Variants in MIER3 observed in about 807,000 individuals in gnomAD.
MIER3 encodes mesoderm induction early response protein 3.
A neutral mutation model predicts 63.2 loss-of-function variants in MIER3; 9 were observed. The ratio of observed to expected loss-of-function variants is 0.14; its 90% CI spans 0.09 to 0.25. MIER3 has a LOEUF of 0.25. Ranked by LOEUF, MIER3 falls within the 10% of genes least tolerant of loss-of-function variation. MIER3 has a pLI of 1.00. For missense variants in MIER3, 512 were observed against 666.2 expected, an observed-to-expected ratio of 0.77 and a Z score of 2.55; for synonymous variants, 205 against 224.9, an observed-to-expected ratio of 0.91 and a Z score of 0.79.
intron 6 of MIER3, 38 bp downstream of exon 6, chr5:56,935,628 T>G: frequency 6.4e-7 from 1 of 1,573,600 alleles, no homozygotes; most frequent in South Asian, 1.2e-5. Context: ...GAAATATTTT[T>G]AAAAGCCAAT....
At chr5:56,938,257 A>G in intron 4 of MIER3, 1 of 471,226 alleles carries the variant, frequency 2.1e-6, no homozygotes, top group South Asian at 1.5e-5. Context: ...TGGTACATTA[A>G]TATCACATTG....
intron 10 of MIER3, among the ~76,000 whole-genome samples, chr5:56,924,543 G>A (rs1749863466): frequency 6.6e-6 from 1 of 152,218 alleles, no homozygotes; most frequent in Non-Finnish European, 1.5e-5. Context: ...TTCCAAAAGA[G>A]ATTAAGAACC....
chr5:56,932,235 G>A (rs947493260), intron 8 of MIER3, among the ~76,000 whole-genome samples: 15 of 152,208 alleles, frequency 9.9e-5, no homozygotes, highest in Admixed American at 9.2e-4. Context: ...ACTCCAGCCT[G>A]GGTGACAGAG....
At position 56,927,090 on chromosome 5, in the gene MIER3, G is replaced by C. The variant is rs189876760; in HGVS notation, c.924+1677C>G. 5.6e-4 allele frequency among the ~76,000 whole-genome samples: 85 copies of C among 151,570 alleles called. 1 individual carries two copies. Among genetic ancestry groups the C allele is most frequent in the Non-Finnish European group, 3.2e-4 (22 of 67,916 alleles). On this transcript the variant is annotated intron_variant, in intron 10 of 12. Coordinates refer to ENST00000381199, the MANE Select transcript of MIER3 (RefSeq NM_001297599.2). ...GGCTGCTAGAAGTTGTTAGGGAGGAGGGGGAAGGGACAGAGGGAAGAATAA... is the reference window on the plus strand; with the variant it reads ...GGCTGCTAGAAGTTGTTAGGGAGGACGGGGAAGGGACAGAGGGAAGAATAA...
At chr5:56,949,499 A>T (rs906616457) in intron 2 of MIER3, among the ~76,000 whole-genome samples, 1 of 152,208 alleles carries the variant, frequency 6.6e-6, no homozygotes, top group African/African-American at 2.4e-5. Flanking sequence ...ATTTTCCTAA[A>T]ATCAGTTATA....
chr5:56,948,204 C>T (rs1750892759), intron 2 of MIER3, among the ~76,000 whole-genome samples: 1 of 152,190 alleles, frequency 6.6e-6, no homozygotes, highest in Admixed American at 6.5e-5. Flanking sequence ...AAACCACACA[C>T]ATAATTCATT....
intron 3 of MIER3, chr5:56,940,857 C>T: frequency 2.1e-6 from 1 of 485,434 alleles, no homozygotes; most frequent in Non-Finnish European, 2.7e-6. Context: ...AGAGTCCATG[C>T]AGCCCATTCC....
chr5:56,943,336 A>T (rs1343275006), intron 3 of MIER3, among the ~76,000 whole-genome samples: 7 of 72,434 alleles, frequency 9.7e-5, no homozygotes, highest in African/African-American at 1.6e-4. Context: ...GTGGAAATTT[A>T]AAAAAAAAAA....
Position 56,933,291 on chromosome 5 carries a change from T to C in MIER3, c.703A>G (p.Met235Val), listed in dbSNP as rs1750335559. The C allele has an allele frequency of 6.2e-7, 1 of 1,613,132 alleles. No individual in the cohort carries two copies. ...TSLRTGSEKI[M>V]DRISAGTHTR... ...TGTGTTCCTGCAGAAATCCTATCCA[T>C]TATTTTTTCACTGCCAGTCCTTAAT... The change falls in exon 8 of 13, where the codon ATG becomes GTG. Residue 235 changes from methionine (M) to valine (V), a missense_variant. By Grantham distance (21) the Met-to-Val change is conservative. Around this residue, in one of 5 missense-constraint regions of MIER3, gnomAD observed 118 missense variants for 133.6 expected, o/e 0.88. Transcript: ENST00000381199.
chr5:56,951,963 C>G (rs1400216456), intron 1 of MIER3, 131 bp downstream of exon 1: 9 of 768,816 alleles, frequency 1.2e-5, no homozygotes, highest in Non-Finnish European at 1.5e-5. Context: ...CCCCGCGACC[C>G]CCGCGTCGCC....
Position 56,923,028 on chromosome 5 carries a change from G to T in MIER3, c.*100C>A. 1.1e-6 allele frequency: 1 copy of T among 889,372 alleles called. No individual in the cohort carries two copies. 55.1% of individuals were successfully genotyped at this position (889,372 alleles called of 1,614,324 possible). A position where few individuals can be genotyped will look rare whatever the true frequency, so the allele number is the denominator to read the frequency against. On this transcript the variant is annotated 3_prime_UTR_variant, in exon 13 of 13. Coordinates refer to ENST00000381199, the MANE Select transcript of MIER3 (RefSeq NM_001297599.2). Reference sequence around the variant, plus strand: ...ACATACTGACATCACTGATGTCATAGTGAGAAAGGTTCAAACTTCCAGTGA... The same window carrying T: ...ACATACTGACATCACTGATGTCATATTGAGAAAGGTTCAAACTTCCAGTGA...
chr5:56,923,890 T>C, intron 11 of MIER3, 25 bp downstream of exon 11: 3 of 1,614,024 alleles, frequency 1.9e-6, no homozygotes, highest in Non-Finnish European at 2.5e-6. Context: ...AAGTAAGTCT[T>C]TGAAGGCAAG....
At chr5:56,935,622 T>C (rs374948257) in intron 6 of MIER3, 44 bp downstream of exon 6, 43 of 1,563,768 alleles carry the variant, frequency 2.7e-5, no homozygotes, top group Non-Finnish European at 7.0e-6. Flanking sequence ...ATTTCAGAAA[T>C]ATTTTTAAAA....
intron 8 of MIER3, among the ~76,000 whole-genome samples, chr5:56,932,197 T>C (rs1750292781): frequency 6.6e-6 from 1 of 151,920 alleles, no homozygotes; most frequent in South Asian, 2.1e-4. Flanking sequence ...GAGGTGGAGG[T>C]TGCAGTGAGC....
chr5:56,935,747 A>G lies in MIER3; in HGVS notation c.441T>C (p.Asn147=). Residue 147 remains asparagine (N), a synonymous_variant, in exon 6 of 13, where the codon AAT becomes AAC. Coordinates refer to ENST00000381199, the MANE Select transcript of MIER3 (RefSeq NM_001297599.2). Reference sequence around the variant, plus strand: ...ATTCCTTATCACCATCACATGCAGTATTTGCTTAAAAGACAAAAATTAAAA... The same window carrying G: ...ATTCCTTATCACCATCACATGCAGTGTTTGCTTAAAAGACAAAAATTAAAA... The part of the protein sequence containing the change: ...SDFFPRPLRS[N]TACDGDKESE... The G allele has an allele frequency of 6.2e-7, 1 of 1,613,076 alleles. No individual in the cohort carries two copies. The highest frequency in any genetic ancestry group is 8.5e-7 in the Non-Finnish European group (1 of 1,179,616).
chr5:56,950,547 A>G, intron 2 of MIER3, 81 bp downstream of exon 2: 1 of 1,425,332 alleles, frequency 7.0e-7, no homozygotes, highest in Non-Finnish European at 9.8e-7. Flanking sequence ...ATACATTTCT[A>G]TTGGGAATCC....
In MIER3 at chr5:56,933,250, T is replaced by C. The variant is rs2112107273; in HGVS notation, c.744A>G (p.Glu248=). Reference sequence around the variant, plus strand: ...TTCAACAGAAGCTGAAGTATACCTGTTCATTGTCCCTTGTGTGTGTTCCTG... The same window carrying C: ...TTCAACAGAAGCTGAAGTATACCTGCTCATTGTCCCTTGTGTGTGTTCCTG... ...ISAGTHTRDN[E]QALYELLKCN... is the part of the protein sequence containing the mutation. Residue 248 remains glutamate (E), a synonymous_variant, in exon 8 of 13, where the codon GAA becomes GAG. Transcript: ENST00000381199. 1 of 1,605,404 alleles carries C rather than the reference T, an allele frequency of 6.2e-7. No individual in the cohort carries two copies. The highest frequency in any genetic ancestry group is 1.7e-4 in the Middle Eastern group (1 of 6,038).
At chr5:56,943,350 T>C (rs959467951) in intron 3 of MIER3, among the ~76,000 whole-genome samples, 8 of 144,704 alleles carry the variant, frequency 5.5e-5, no homozygotes, top group African/African-American at 2.0e-4. Context: ...AAAAAAAAGG[T>C]AGAAGAATAA....
intron 10 of MIER3, among the ~76,000 whole-genome samples, chr5:56,927,326 TAACTA>T (rs962382435): frequency 6.6e-6 from 1 of 152,112 alleles, no homozygotes; most frequent in African/African-American, 2.4e-5. Flanking sequence ...GATATAATAA[TAACTA>T]TAGGAGTGGA....
Sources: gnomAD v4.1 joint callset for allele counts (sites outside exome capture counted in the v4.1 genomes callset) on GRCh38, gnomAD v4.1.1 for gene constraint, gnomAD v4.1.1 regional missense constraint, MANE v1.5 for transcripts, NCBI Gene and HGNC (gene_info 2026-07-23, HGNC 2026-07-21) for gene names.